Variants in FTCD observed in about 807,000 individuals in gnomAD.
The protein encoded by FTCD is formimidoyltransferase cyclodeaminase, also known as formimidoyltransferase-cyclodeaminase.
In FTCD, 76 loss-of-function variants were observed where a neutral mutation model predicts 62.9. The ratio of observed to expected loss-of-function variants is 1.21; its 90% CI spans 1.00 to 1.46. FTCD has a LOEUF of 1.46. FTCD is among the 40% of genes most tolerant of loss of function. FTCD has a pLI of 0.00. For synonymous variants in FTCD, 397 were observed against 336.9 expected (o/e 1.18, Z -1.95); for missense variants, 845 against 751.3 (o/e 1.12, Z -1.46).
At chr21:46,144,371 C>CCTCTCTCCCT (rs1281864308) in intron 10 of FTCD, among the ~76,000 whole-genome samples, 1 of 141,704 alleles carries the variant, frequency 7.1e-6, no homozygotes, top group African/African-American at 2.7e-5. Flanking sequence ...ACCTCTCTCC[C>CCTCTCTCCCT]CTCTCTCCCT....
At chr21:46,151,106 C>G (rs1208132900) in intron 5 of FTCD, among the ~76,000 whole-genome samples, 1 of 152,178 alleles carries the variant, frequency 6.6e-6, no homozygotes, top group Non-Finnish European at 1.5e-5. Context: ...CTCCGGGTAT[C>G]TATACCCGGA....
chr21:46,143,449 T>C (rs59200770), intron 10 of FTCD, among the ~76,000 whole-genome samples: 38,280 of 147,842 alleles, frequency 0.26, 5,536 homozygotes, highest in East Asian at 0.43. Flanking sequence ...TTTAGTACAA[T>C]AAAATATATA....
At chr21:46,146,052 G>A (rs2079140306) in intron 8 of FTCD, 105 bp from the exon 9 acceptor site, 2 of 757,004 alleles carry the variant, frequency 2.6e-6, no homozygotes, top group South Asian at 1.8e-5. Context: ...CCACGGGGAG[G>A]TGACCACTCG....
intron 7 of FTCD, among the ~76,000 whole-genome samples, chr21:46,148,844 T>C (rs572787047): frequency 1.3e-5 from 2 of 152,306 alleles, no homozygotes; most frequent in East Asian, 3.9e-4. Flanking sequence ...GAAATCGCTA[T>C]GATGGGAATC....
intron 10 of FTCD, among the ~76,000 whole-genome samples, chr21:46,144,764 C>G (rs531001035): frequency 7.2e-6 from 1 of 137,932 alleles, no homozygotes; most frequent in Non-Finnish European, 1.6e-5. Context: ...CCCTTCCCTC[C>G]TGTCCTCTCC....
At chr21:46,138,408 T>C (rs1477906774) in intron 12 of FTCD, 100 bp downstream of exon 12, 2 of 1,212,980 alleles carry the variant, frequency 1.6e-6, no homozygotes, top group Admixed American at 4.0e-5. Flanking sequence ...TCTCCCTACC[T>C]GGCTCAGCCC....
intron 3 of FTCD, chr21:46,152,242 A>T: frequency 2.1e-6 from 1 of 468,540 alleles, no homozygotes; most frequent in Non-Finnish European, 3.8e-6. Flanking sequence ...AACATGTGGG[A>T]CATGCTAACG....
downstream of FTCD, chr21:46,136,391 G>A (rs962409040): frequency 2.4e-5 from 38 of 1,578,816 alleles, no homozygotes; most frequent in Non-Finnish European, 1.3e-5. Flanking sequence ...ACTGAGGACA[G>A]GGCCAGTACC....
In FTCD at chr21:46,154,310, G is replaced by T. The variant is rs778243109; in HGVS notation, c.77C>A (p.Ala26Asp). 3.7e-6 allele frequency: 6 copies of T among 1,611,198 alleles called. No individual in the cohort carries two copies. Among genetic ancestry groups the T allele is most frequent in the Non-Finnish European group, 5.1e-6 (6 of 1,179,592 alleles). The change falls in exon 2 of 14, where the codon GCC (alanine) becomes GAC (aspartate). Residue 26 changes from alanine to aspartate, a missense_variant. Physicochemically the swap from Ala to Asp is moderately radical, Grantham distance 126. Transcript: ENST00000397746. ...CACGCAGCCCGGGGTCTGTGTGATG[G>T]CTCCAGAGATGGCGTCGATCACCTG... ...NQEVIDAISG[A>D]ITQTPGCVLL...
At chr21:46,141,298 GCTTT>G (rs1162646163) in intron 10 of FTCD, among the ~76,000 whole-genome samples, 1 of 142,236 alleles carries the variant, frequency 7.0e-6, no homozygotes, top group Non-Finnish European at 1.5e-5. Flanking sequence ...ACCACGCCTG[GCTTT>G]ATTTTTTTTT....
chr21:46,144,748 T>C (rs1247787772), intron 10 of FTCD, among the ~76,000 whole-genome samples: 1 of 126,116 alleles, frequency 7.9e-6, no homozygotes, highest in Non-Finnish European at 1.7e-5. Flanking sequence ...CTCTCTCTCT[T>C]TTCTGCCCTT....
At chr21:46,143,853 C>A (rs532875513) in intron 10 of FTCD, among the ~76,000 whole-genome samples, 1 of 152,326 alleles carries the variant, frequency 6.6e-6, no homozygotes, top group South Asian at 2.1e-4. Flanking sequence ...TCCACCACCT[C>A]TTGTAAAGGG....
chr21:46,138,662 G>A lies in FTCD; in HGVS notation c.1305-16C>T, dbSNP rs772615820. 1.6e-5 allele frequency: 26 copies of A among 1,595,992 alleles called. No individual in the cohort carries two copies. In the Middle Eastern group the frequency reaches 6.8e-4, roughly 42 times the overall value. The stretch of plus-strand genomic sequence containing the variant: ...CGCCGTGCGCCTGAAAGGAGCAAGA[G>A]GAGAGCCTGAGCACAGCGGCACACA... On this transcript the variant is annotated splice_polypyrimidine_tract_variant and intron_variant, in intron 11 of 13. Coordinates refer to ENST00000397746, the MANE Select transcript of FTCD (RefSeq NM_206965.2).
In FTCD at chr21:46,137,019, C is replaced by T. The variant is rs2078883055; in HGVS notation, c.1594G>A (p.Val532Met). Residue 532 changes from valine to methionine, a missense_variant, in exon 14 of 14, where the codon GTG (valine) becomes ATG (methionine). Coordinates refer to ENST00000397746, the MANE Select transcript of FTCD (RefSeq NM_206965.2). ...TGCCGGGTCTCCAAGCAGTCCAGCA[C>T]CAGTGCAGCCTGGGTCTTGGCTTCC... ...LQEAKTQAAL[V>M]LDCLETRQE 4.3e-6 allele frequency: 7 copies of T among 1,613,648 alleles called. No homozygotes were observed. The highest frequency in any genetic ancestry group is 1.1e-5 in the South Asian group (1 of 91,088).
At position 46,137,190 on chromosome 21, in the gene FTCD, A is replaced by C. The variant is rs780254813; in HGVS notation, c.1539+49T>G. 6 of 1,581,218 alleles carry C rather than the reference A, an allele frequency of 3.8e-6. No individual in the cohort carries two copies. The East Asian group carries it at 1.3e-4, about 35-fold the overall frequency. On this transcript the variant is annotated intron_variant, in intron 13 of 13. Transcript: ENST00000397746. ...GTCGGCAATCACCCTGAGGCTGTGAATCCAGGCCCCCACGTGGGGTCCGGG... is the reference window on the plus strand; with the variant it reads ...GTCGGCAATCACCCTGAGGCTGTGACTCCAGGCCCCCACGTGGGGTCCGGG...
At chr21:46,142,721 CG>C (rs1225234297) in intron 10 of FTCD, 1 of 152,246 alleles carries the variant, frequency 6.6e-6, no homozygotes, top group Non-Finnish European at 1.5e-5. Flanking sequence ...TTGCTGGTTT[CG>C]GTGGCCAGCT....
intron 10 of FTCD, chr21:46,142,509 T>G (rs1425737407): frequency 2.0e-5 from 3 of 152,228 alleles, no homozygotes; most frequent in Non-Finnish European, 4.4e-5. Context: ...CTCTTACAGG[T>G]GGCGCGTAGC....
chr21:46,142,964 G>C (rs1365334918), intron 10 of FTCD, among the ~76,000 whole-genome samples: 3 of 152,126 alleles, frequency 2.0e-5, no homozygotes. Flanking sequence ...AGTGCTGACT[G>C]GTGTGTTTAC....
intron 10 of FTCD, chr21:46,142,098 A>G (rs1224271110): frequency 1.4e-5 from 2 of 147,102 alleles, no homozygotes; most frequent in African/African-American, 5.5e-5. Context: ...TAAAAAGTAA[A>G]TAAATAAAAC....
Sources: allele counts gnomAD v4.1 joint callset (sites outside exome capture counted in the v4.1 genomes callset), GRCh38; gene constraint gnomAD v4.1.1; transcripts MANE v1.5; gene names NCBI Gene and HGNC (gene_info 2026-07-23, HGNC 2026-07-21).